RNLS: variants seen among roughly 807,000 people sequenced by gnomAD.
RNLS encodes the protein renalase.
RNLS carries 39 observed loss-of-function variants against 39.8 expected under a neutral mutation model. The observed-to-expected ratio is 0.98, with a 90% CI of 0.76 to 1.28. The LOEUF is 1.28. RNLS is among the 50% of genes most tolerant of loss of function. The pLI, the probability that RNLS is intolerant of heterozygous loss-of-function variation, is 0.00. For synonymous variants in RNLS, 147 were observed against 150.7 expected (o/e 0.98, Z 0.18); for missense variants, 410 against 413.3 (o/e 0.99, Z 0.07).
chr10:88,491,198 G>T (rs1189871263), intron 4 of RNLS, among the ~76,000 whole-genome samples: 2 of 152,098 alleles, frequency 1.3e-5, no homozygotes, highest in Non-Finnish European at 2.9e-5. Flanking sequence ...TCACACTCTA[G>T]GTTTCTTTCC....
intron 3 of RNLS, among the ~76,000 whole-genome samples, chr10:88,576,160 C>G (rs1850193720): frequency 6.6e-6 from 1 of 152,174 alleles, no homozygotes; most frequent in South Asian, 2.1e-4. Flanking sequence ...TCATAATGCT[C>G]TCACTCTTTC....
At chr10:88,454,641 C>A (rs556762416) in intron 4 of RNLS, among the ~76,000 whole-genome samples, 1 of 152,320 alleles carries the variant, frequency 6.6e-6, no homozygotes, top group South Asian at 2.1e-4. Context: ...TTACCCAGAG[C>A]TCAAATAAAC....
intron 4 of RNLS, among the ~76,000 whole-genome samples, chr10:88,476,621 T>C (rs910910916): frequency 6.6e-6 from 1 of 152,176 alleles, no homozygotes; most frequent in African/African-American, 2.4e-5. Context: ...AATCTTGTAA[T>C]ATTTCAAAGC....
the RNLS span, among the ~76,000 whole-genome samples, chr10:88,218,215 C>T: frequency 6.6e-6 from 1 of 152,210 alleles, no homozygotes; most frequent in Non-Finnish European, 1.5e-5. Flanking sequence ...CTCCTCCATG[C>T]TAAAGCAGAT....
chr10:88,354,868 G>C (rs975496097), intron 5 of RNLS, among the ~76,000 whole-genome samples: 4 of 152,020 alleles, frequency 2.6e-5, no homozygotes, highest in Admixed American at 1.3e-4. Flanking sequence ...ACGTAGATTT[G>C]GTCTTTTCAC....
intron 4 of RNLS, among the ~76,000 whole-genome samples, chr10:88,553,339 A>G (rs1383733693): frequency 6.6e-6 from 1 of 152,144 alleles, no homozygotes; most frequent in African/African-American, 2.4e-5. Flanking sequence ...TGGCTTTCAG[A>G]AGAACATTTA....
At chr10:88,498,570 T>C (rs1372364095) in intron 4 of RNLS, among the ~76,000 whole-genome samples, 1 of 149,536 alleles carries the variant, frequency 6.7e-6, no homozygotes, top group East Asian at 1.9e-4. Context: ...ATTGTAATTA[T>C]GTTACTGATT....
At chr10:88,240,573 G>A in the RNLS span, among the ~76,000 whole-genome samples, 2 of 150,626 alleles carry the variant, frequency 1.3e-5, no homozygotes, top group African/African-American at 2.4e-5. Flanking sequence ...CTAGAAAGCT[G>A]AGAGTCATAA....
chr10:88,299,295 C>A (rs182622973), intron 6 of RNLS, among the ~76,000 whole-genome samples: 10 of 152,210 alleles, frequency 6.6e-5, no homozygotes, highest in African/African-American at 2.2e-4. Flanking sequence ...TTATCAGTTT[C>A]TTTCTGTATG....
chr10:88,368,083 A>C (rs1850264067), intron 4 of RNLS, among the ~76,000 whole-genome samples: 1 of 151,928 alleles, frequency 6.6e-6, no homozygotes, highest in African/African-American at 2.4e-5. Flanking sequence ...CTTCAAGATC[A>C]TAAAGATATT....
the RNLS span, among the ~76,000 whole-genome samples, chr10:88,222,631 C>T: frequency 6.6e-6 from 1 of 152,118 alleles, no homozygotes; most frequent in African/African-American, 2.4e-5. Context: ...GCCTACACAA[C>T]GCCTGATGAA....
intron 4 of RNLS, among the ~76,000 whole-genome samples, chr10:88,395,839 C>G (rs1852525682): frequency 6.6e-6 from 1 of 151,974 alleles, no homozygotes; most frequent in African/African-American, 2.4e-5. Flanking sequence ...CTTGAAGCAG[C>G]AAGAAAGAAG....
chr10:88,537,510 T>C (rs1056400254), intron 4 of RNLS, among the ~76,000 whole-genome samples: 2 of 152,194 alleles, frequency 1.3e-5, no homozygotes, highest in African/African-American at 2.4e-5. Flanking sequence ...CATGTGGTAC[T>C]GCACAGCAGT....
chr10:88,377,334 A>G (rs1851094526), intron 4 of RNLS, among the ~76,000 whole-genome samples: 1 of 152,150 alleles, frequency 6.6e-6, no homozygotes, highest in South Asian at 2.1e-4. Flanking sequence ...GACAACTGTA[A>G]GCTACAGGGA....
chr10:88,448,527 T>C (rs904988351), intron 4 of RNLS, among the ~76,000 whole-genome samples: 10 of 152,044 alleles, frequency 6.6e-5, no homozygotes, highest in African/African-American at 2.2e-4. Context: ...TGTGGAGAAA[T>C]AGGAACACTT....
intron 4 of RNLS, among the ~76,000 whole-genome samples, chr10:88,450,924 G>T (rs1842325128): frequency 6.6e-6 from 1 of 152,122 alleles, no homozygotes. Context: ...TGTGAAGGAA[G>T]CAGAATTAGA....
intron 6 of RNLS, among the ~76,000 whole-genome samples, chr10:88,309,727 C>T (rs761828420): frequency 2.0e-5 from 3 of 151,982 alleles, no homozygotes; most frequent in Middle Eastern, 3.2e-3. Flanking sequence ...AATGACAAGC[C>T]GACATGGCTA....
At chr10:88,412,091 T>A (rs1278003033) in intron 4 of RNLS, among the ~76,000 whole-genome samples, 1 of 152,018 alleles carries the variant, frequency 6.6e-6, no homozygotes, top group African/African-American at 2.4e-5. Context: ...ATGATCAGAT[T>A]TGCATTTTGG....
At chr10:88,514,785 T>G (rs1251125872) in intron 4 of RNLS, among the ~76,000 whole-genome samples, 1 of 152,114 alleles carries the variant, frequency 6.6e-6, no homozygotes, top group Non-Finnish European at 1.5e-5. Flanking sequence ...GTTGCCTGTA[T>G]AGACCACATT....
Sources: gnomAD v4.1 joint callset for allele counts (sites outside exome capture counted in the v4.1 genomes callset) on GRCh38, gnomAD v4.1.1 for gene constraint, MANE v1.5 for transcripts, NCBI Gene and HGNC (gene_info 2026-07-23, HGNC 2026-07-21) for gene names.